Variants in HLA-C observed in about 807,000 individuals in gnomAD.
The protein encoded by HLA-C is major histocompatibility complex, class I, C.
In HLA-C, 15 loss-of-function variants were observed where a neutral mutation model predicts 36.9. The ratio of observed to expected loss-of-function variants is 0.41; its 90% CI spans 0.27 to 0.63. The LOEUF (loss-of-function observed/expected upper bound fraction) is 0.63. Ranked by LOEUF, HLA-C falls within the 20% of genes least tolerant of loss-of-function variation. The probability of loss-of-function intolerance (pLI) is 0.35; values close to 1 mark genes in which losing one functional copy is unlikely to be tolerated. For synonymous variants in HLA-C, 104 were observed against 174.3 expected (o/e 0.60, Z 3.18); for missense variants, 272 against 400.4 (o/e 0.68, Z 2.74).
chr6:31,270,054 C>G lies in HLA-C; in HGVS notation c.927G>C (p.Met309Ile), dbSNP rs1389264721. 1.9e-5 allele frequency: 16 copies of G among 836,160 alleles called. 7 individuals are homozygous for G. The highest frequency in any genetic ancestry group is 2.4e-5 in the Non-Finnish European group (16 of 663,364). 51.8% of individuals were successfully genotyped at this position (836,160 alleles called of 1,614,324 possible). A position where few individuals can be genotyped will look rare whatever the true frequency, so the allele number is the denominator to read the frequency against. The change falls in exon 5 of 8, where the codon ATG (methionine) becomes ATC (isoleucine). Residue 309 changes from methionine (M) to isoleucine (I), a missense_variant. Physicochemically the swap from Met to Ile is conservative, Grantham distance 10. Transcript: ENST00000376228. ...GGACAGCCAGGCCAGCAACGATGCC[C>G]ATGATGGGGATGGTGGGCTGGGAAG...
chr6:31,271,181 A>G (rs281860507), exon 3 of HLA-C: 1 of 1,033,032 alleles, frequency 9.7e-7, no homozygotes, highest in South Asian at 1.6e-5. Context: ...GCCGCCTCCA[A>G]CTTGCGCTGG....
exon 8 of HLA-C, chr6:31,268,754 G>T (rs1269577797): frequency 2.9e-5 from 6 of 207,992 alleles, no homozygotes; most frequent in Non-Finnish European, 4.8e-5. Context: ...GCAAATTCTG[G>T]AAGGTTCTCA....
At chr6:31,271,653 C>T (rs41543814) in exon 2 of HLA-C, 94,466 of 1,074,672 alleles carry the variant, frequency 0.088, 27,613 homozygotes, top group East Asian at 0.49. Context: ...ACTCGGTCAG[C>T]CTGTGCCTGG....
chr6:31,271,454 TG>T (rs1761346465), intron 2 of HLA-C, 106 bp from the exon 3 acceptor site: 1 of 770,536 alleles, frequency 1.3e-6, no homozygotes, highest in Non-Finnish European at 1.7e-6. Context: ...TAAAGGCGAC[TG>T]GGGCTCTCTC....
chr6:31,271,098 G>A lies in HLA-C; in HGVS notation c.594C>T (p.Asn198=), dbSNP rs1131104. The A allele has an allele frequency of 5.4e-4, 599 of 1,116,892 alleles. 30 individuals carry two copies. Among genetic ancestry groups the A allele is most frequent in the East Asian group, 2.4e-3 (49 of 20,002 alleles). 69.2% of individuals were successfully genotyped at this position (1,116,892 alleles called of 1,614,324 possible). A position where few individuals can be genotyped will look rare whatever the true frequency, so the allele number is the denominator to read the frequency against. The change falls in exon 3 of 8, where the codon AAC becomes AAT. Residue 198 remains asparagine (N), a synonymous_variant. Coordinates refer to ENST00000376228, the Ensembl canonical transcript of HLA-C. ...CTGCGCGCTGCAGCGTCTCCTTCCC[G>A]TTCTCCAGGTATCTGCGGAGCCACT... is the stretch of plus-strand genomic sequence containing the variant.
At chr6:31,270,332 C>G in exon 4 of HLA-C, 1 of 922,148 alleles carries the variant, frequency 1.1e-6, no homozygotes. Context: ...TCCTGCTGGC[C>G]TGGTCTCCAC....
chr6:31,269,212 C>T (rs1324281061), intron 7 of HLA-C, 39 bp from the exon 8 acceptor site: 2 of 1,237,862 alleles, frequency 1.6e-6, no homozygotes, highest in Admixed American at 4.4e-5. Flanking sequence ...TCAGGTCAGT[C>T]ATGGTAAGCG....
chr6:31,271,132 G>A lies in HLA-C; in HGVS notation c.560C>T (p.Thr187Met), dbSNP rs1050686. Residue 187 changes from threonine (T) to methionine (M), a missense_variant, in exon 3 of 8, where the codon ACG becomes ATG. Transcript: ENST00000376228. Reference sequence around the variant, plus strand: ...GTATCTGCGGAGCCACTCCACGCACGTGCCCTCCAGGTAGGCTCTCAGCTG... The same window carrying A: ...GTATCTGCGGAGCCACTCCACGCACATGCCCTCCAGGTAGGCTCTCAGCTG... 1,720 of 1,103,126 alleles carry A rather than the reference G, an allele frequency of 1.6e-3. 4 individuals carry two copies. The highest frequency in any genetic ancestry group is 7.6e-3 in the African/African-American group (258 of 33,866). 68.3% of individuals were successfully genotyped at this position (1,103,126 alleles called of 1,614,324 possible). A position where few individuals can be genotyped will look rare whatever the true frequency, so the allele number is the denominator to read the frequency against.
At chr6:31,269,241 C>T in intron 7 of HLA-C, 68 bp from the exon 8 acceptor site, 1 of 986,488 alleles carries the variant, frequency 1.0e-6, no homozygotes, top group Non-Finnish European at 1.4e-6. Flanking sequence ...CTGAACGGCC[C>T]ACCACACACT....
At chr6:31,271,919 T>A (rs1440363480) in intron 1 of HLA-C, 51 bp from the exon 2 acceptor site, 1 of 1,162,408 alleles carries the variant, frequency 8.6e-7, no homozygotes. Flanking sequence ...CCTGCGCGGC[T>A]CCCCGGGTCC....
exon 3 of HLA-C, chr6:31,271,169 G>C (rs41551019): frequency 1.0e-6 from 1 of 998,524 alleles, no homozygotes; most frequent in South Asian, 1.7e-5. Context: ...TCCGCCGCAC[G>C]GGCCGCCTCC....
In HLA-C at chr6:31,271,883, G is replaced by A. The variant is rs41559317; in HGVS notation, c.74-15C>T. On this transcript the variant is annotated splice_polypyrimidine_tract_variant and intron_variant, in intron 1 of 7. Transcript: ENST00000376228. ...GGAGTGGGAGCCTGGGGGCGAGGAG[G>A]GGCTGAGACCCGCCCGACCCACCTC... 9.6e-5 allele frequency: 118 copies of A among 1,226,220 alleles called. 23 individuals carry two copies. Among genetic ancestry groups the A allele is most frequent in the Non-Finnish European group, 1.2e-4 (111 of 929,690 alleles). The allele number at this position is 1,226,220 out of a possible 1,614,324, so 76.0% of individuals were successfully genotyped here.
exon 3 of HLA-C, chr6:31,271,287 G>A (rs281860466): frequency 1.0e-5 from 12 of 1,164,126 alleles, no homozygotes; most frequent in East Asian, 3.8e-5. Flanking sequence ...GGTCATACCC[G>A]CGGAGGAGGC....
Position 31,269,517 on chromosome 6 carries a change from CT to C in HLA-C, c.1023del (p.Gly342GlufsTer58). The C allele has an allele frequency of 1.8e-5, 16 of 901,248 alleles. No homozygotes were observed. The highest frequency in any genetic ancestry group is 7.0e-5 in the South Asian group (3 of 42,772). The allele number at this position is 901,248 out of a possible 1,614,324, so 55.8% of individuals were successfully genotyped here. On this transcript the variant is annotated frameshift_variant, in exon 6 of 8. Transcript: ENST00000376228. LOFTEE classifies it high-confidence loss of function. ...CACGCAGCCTGAGAGCAGCTCCCTC[CT>C]TTTCCACCTGTGGGAAGAAAATGCC...
intron 7 of HLA-C, 73 bp downstream of exon 7, chr6:31,269,261 CCAAT>C: frequency 1.1e-6 from 1 of 924,088 alleles, no homozygotes; most frequent in Non-Finnish European, 1.5e-6. Flanking sequence ...TCGAAACGTC[CCAAT>C]CAAAGAATCC....
chr6:31,270,679 A>G lies in HLA-C; in HGVS notation c.620-194T>C, dbSNP rs773960230. Reference sequence around the variant, plus strand: ...GGAAAGTTCTAGTCTCTGAGGGAGGAACAGCGACTTCTGGTCCTGACCTGA... The same window carrying G: ...GGAAAGTTCTAGTCTCTGAGGGAGGGACAGCGACTTCTGGTCCTGACCTGA... On this transcript the variant is annotated intron_variant, in intron 3 of 7. Coordinates refer to ENST00000376228, the Ensembl canonical transcript of HLA-C. The G allele has an allele frequency of 8.7e-4, 390 of 448,534 alleles. 97 individuals carry two copies. In the Admixed American group the frequency reaches 0.013, roughly 15 times the overall value. 27.8% of individuals were successfully genotyped at this position (448,534 alleles called of 1,614,324 possible). A position where few individuals can be genotyped will look rare whatever the true frequency, so the allele number is the denominator to read the frequency against.
chr6:31,271,171 G>C (rs61759942), exon 3 of HLA-C: 1 of 1,004,714 alleles, frequency 1.0e-6, no homozygotes, highest in African/African-American at 3.0e-5. Flanking sequence ...CGCCGCACGG[G>C]CCGCCTCCAA....
chr6:31,269,714 G>T (rs1761141250), intron 5 of HLA-C, 189 bp from the exon 6 acceptor site: 1 of 306,310 alleles, frequency 3.3e-6, no homozygotes. Flanking sequence ...TCTGTCCTTA[G>T]CAGGGACCTT....
chr6:31,269,251 T>G lies in HLA-C; in HGVS notation c.1097-78A>C, dbSNP rs111924491. The G allele has an allele frequency of 2.5e-4, 231 of 928,300 alleles. 6 individuals are homozygous for G. Among genetic ancestry groups the G allele is most frequent in the Middle Eastern group, 1.2e-3 (4 of 3,358 alleles). 57.5% of individuals were successfully genotyped at this position (928,300 alleles called of 1,614,324 possible). A position where few individuals can be genotyped will look rare whatever the true frequency, so the allele number is the denominator to read the frequency against. Reference sequence around the variant, plus strand: ...ACACTCTGAACGGCCCACCACACACTCGAAACGTCCCAATCAAAGAATCCC... The same window carrying G: ...ACACTCTGAACGGCCCACCACACACGCGAAACGTCCCAATCAAAGAATCCC... On this transcript the variant is annotated intron_variant, in intron 7 of 7. Transcript: ENST00000376228.
Sources: gnomAD v4.1 joint callset for allele counts on GRCh38, gnomAD v4.1.1 for gene constraint, MANE v1.5 for transcripts, NCBI Gene and HGNC (gene_info 2026-07-23, HGNC 2026-07-21) for gene names.